Variants in FHIP2B observed in about 807,000 individuals in gnomAD.
FHIP2B encodes FHF complex subunit HOOK-interacting protein 2B.
A neutral mutation model predicts 84.0 loss-of-function variants in FHIP2B; 72 were observed. The ratio of observed to expected loss-of-function variants is 0.86; its 90% CI spans 0.71 to 1.04. FHIP2B has a LOEUF of 1.04. Ranked by LOEUF, FHIP2B falls within the 50% of genes least tolerant of loss-of-function variation. The pLI, the probability that FHIP2B is intolerant of heterozygous loss-of-function variation, is 0.00. For missense variants in FHIP2B, 972 were observed against 968.9 expected, an observed-to-expected ratio of 1.00 and a Z score of -0.04; for synonymous variants, 497 against 418.7, an observed-to-expected ratio of 1.19 and a Z score of -2.28.
In FHIP2B at chr8:22,104,497, G is replaced by A. The variant is rs548243671; in HGVS notation, c.*1566G>A. The stretch of plus-strand genomic sequence containing the variant: ...ATTCTTTTTCTAGCGCTGCAGCAGG[G>A]AGGTGGGGTGGGCGGTAAACAGACA... On this transcript the variant is annotated 3_prime_UTR_variant, in exon 17 of 17. Transcript: ENST00000289921. The A allele has an allele frequency of 1.5e-4, 23 of 152,434 alleles. No homozygotes were observed. Among genetic ancestry groups the A allele is most frequent in the African/African-American group, 5.5e-4 (23 of 41,574 alleles). 9.4% of individuals were successfully genotyped at this position (152,434 alleles called of 1,614,324 possible). A position where few individuals can be genotyped will look rare whatever the true frequency, so the allele number is the denominator to read the frequency against.
intron 13 of FHIP2B, 56 bp from the exon 14 acceptor site, chr8:22,101,650 CCT>C: frequency 6.4e-7 from 1 of 1,567,044 alleles, no homozygotes; most frequent in Non-Finnish European, 8.7e-7. Flanking sequence ...TGCGTGGGGC[CCT>C]GTCTGCTGGT....
rs374997784 is a variant in FHIP2B, at chr8:22,094,495, C to G, written c.101C>G (p.Thr34Arg). Residue 34 changes from threonine to arginine, a missense_variant, in exon 2 of 17, where the codon ACG becomes AGG. Transcript: ENST00000289921. ...TTCGTGGAGCACTGGAAGGGCATCACGCACTACTACATCGAGAGCACAGGT... is the reference window on the plus strand; with the variant it reads ...TTCGTGGAGCACTGGAAGGGCATCAGGCACTACTACATCGAGAGCACAGGT... ...QAFVEHWKGI[T>R]HYYIESTDES... The G allele has an allele frequency of 1.2e-6, 2 of 1,611,454 alleles. No individual in the cohort carries two copies. The highest frequency in any genetic ancestry group is 1.7e-6 in the Non-Finnish European group (2 of 1,178,966).
chr8:22,093,001 G>A (rs1825574455), intron 1 of FHIP2B, among the ~76,000 whole-genome samples: 1 of 152,188 alleles, frequency 6.6e-6, no homozygotes, highest in South Asian at 2.1e-4. Flanking sequence ...ATCTAGCATA[G>A]TGTCTTGTAC....
chr8:22,093,350 GT>G (rs1194154331), intron 1 of FHIP2B, among the ~76,000 whole-genome samples: 1 of 152,182 alleles, frequency 6.6e-6, no homozygotes, highest in Non-Finnish European at 1.5e-5. Context: ...TTTTTGAGAA[GT>G]TTTCAGGGAA....
rs1826050004 is a variant in FHIP2B, at chr8:22,100,598, G to A, written c.1346G>A (p.Ser449Asn). ...CCGACCCCCTTCCTGCTCCAGATCAGCATCACCACACTCCGGCTGTTTGAG... is the reference window on the plus strand; with the variant it reads ...CCGACCCCCTTCCTGCTCCAGATCAACATCACCACACTCCGGCTGTTTGAG... ...GHCDHLSDEI[S>N]ITTLRLFEEL... The change falls in exon 11 of 17, where the codon AGC becomes AAC. Residue 449 changes from serine (S) to asparagine (N), a missense_variant. Ser to Asn is a conservative substitution (Grantham distance 46, BLOSUM62 1). Transcript: ENST00000289921. 6.5e-7 allele frequency: 1 copy of A among 1,550,348 alleles called. No individual in the cohort carries two copies. The highest frequency in any genetic ancestry group is 2.3e-5 in the East Asian group (1 of 44,098).
At position 22,094,469 on chromosome 8, in the gene FHIP2B, C is replaced by T. The variant is rs773009471; in HGVS notation, c.75C>T (p.Ala25=). ...AREPSIDLLQ[A]FVEHWKGITH... ...AGCCCAGCATTGACCTGCTGCAGGC[C>T]TTCGTGGAGCACTGGAAGGGCATCA... Residue 25 remains alanine, a synonymous_variant, in exon 2 of 17, where the codon GCC becomes GCT. Transcript: ENST00000289921. 6.2e-7 allele frequency: 1 copy of T among 1,611,560 alleles called. No individual in the cohort carries two copies. The highest frequency in any genetic ancestry group is 1.1e-5 in the South Asian group (1 of 91,004).
chr8:22,098,703 T>C, intron 7 of FHIP2B, 84 bp downstream of exon 7: 1 of 1,380,374 alleles, frequency 7.2e-7, no homozygotes. Flanking sequence ...TCCCCTGGGG[T>C]TCCACGTTGC....
rs138542534 is a variant in FHIP2B at position 22,096,527 on chromosome 8, C to A, written c.297+18C>A. ...AGGCCGAGGTGGGAGGCCCTCTGCG[C>A]GCTGGGCCAGGCCGAGGTGGGAGGC... On this transcript the variant is annotated intron_variant, in intron 3 of 16. Coordinates refer to ENST00000289921, the MANE Select transcript of FHIP2B (RefSeq NM_022749.7). 8.5e-4 allele frequency: 1,276 copies of A among 1,503,350 alleles called. 19 individuals are homozygous for A. The East Asian group carries it at 0.024, about 29-fold the overall frequency. The allele number at this position is 1,503,350 out of a possible 1,614,324, so 93.1% of individuals were successfully genotyped here.
Position 22,096,363 on chromosome 8 carries a change from G to T in FHIP2B, c.151G>T (p.Asp51Tyr), listed in dbSNP as rs377566661. The T allele has an allele frequency of 3.8e-6, 6 of 1,560,934 alleles. No individual in the cohort carries two copies. In the Admixed American group the frequency reaches 1.2e-4, roughly 30 times the overall value. Residue 51 changes from aspartate (D) to tyrosine (Y), a missense_variant, in exon 3 of 17, where the codon GAC becomes TAC. Transcript: ENST00000289921. ...TDESTPAKKT[D>Y]IPWRLKQMLD... The stretch of plus-strand genomic sequence containing the variant: ...TGAAAGCACCCCCGCCAAGAAGACA[G>T]ACATTCCCTGGCGGCTGAAGCAGAT...
At chr8:22,101,171 C>T (rs1179596504) in intron 12 of FHIP2B, 199 bp downstream of exon 12, 7 of 681,810 alleles carry the variant, frequency 1.0e-5, no homozygotes, top group Admixed American at 8.7e-5. Flanking sequence ...TACAGACATG[C>T]ACCACCACAC....
chr8:22,095,790 C>G (rs1415774111), intron 2 of FHIP2B: 1 of 152,272 alleles, frequency 6.6e-6, no homozygotes, highest in African/African-American at 2.4e-5. Flanking sequence ...AAGTAGCTTC[C>G]CCGTCAGGGC....
intron 3 of FHIP2B, 58 bp from the exon 4 acceptor site, chr8:22,097,458 C>G (rs1825834139): frequency 2.0e-6 from 3 of 1,493,986 alleles, no homozygotes; most frequent in Non-Finnish European, 2.7e-6. Context: ...TCAGTACCCG[C>G]CAGGCATGCG....
At chr8:22,089,600 C>T (rs755246442) in intron 1 of FHIP2B, among the ~76,000 whole-genome samples, 6 of 152,082 alleles carry the variant, frequency 3.9e-5, no homozygotes, top group Admixed American at 6.5e-5. Flanking sequence ...TCGCCTCCGC[C>T]GGGACGCTCC....
At position 22,097,838 on chromosome 8, in the gene FHIP2B, A is replaced by C. The variant is rs1825863936; in HGVS notation, c.524A>C (p.Glu175Ala). 1.9e-6 allele frequency: 3 copies of C among 1,612,518 alleles called. No individual in the cohort carries two copies. The highest frequency in any genetic ancestry group is 1.7e-4 in the Middle Eastern group (1 of 5,996). The change falls in exon 5 of 17, where the codon GAA becomes GCA. Residue 175 changes from glutamate (E) to alanine (A), a missense_variant and splice_region_variant. Glu to Ala is a moderately radical substitution (Grantham distance 107). Coordinates refer to ENST00000289921, the MANE Select transcript of FHIP2B (RefSeq NM_022749.7). The stretch of plus-strand genomic sequence containing the variant: ...CCAGAGCTGCTCGCCTACATCCTGG[A>C]AGTGAGCACTCTGATCGGGAACAGG... Reference protein sequence around the residue: ...QDPELLAYILEGKKIVGRKKA... With the variant: ...QDPELLAYILAGKKIVGRKKA...
chr8:22,097,179 C>T (rs546361235), intron 3 of FHIP2B: 9 of 378,608 alleles, frequency 2.4e-5, no homozygotes, highest in South Asian at 4.2e-5. Flanking sequence ...AGGCTAGTTT[C>T]GAACAACGTG....
In FHIP2B at chr8:22,104,831, T is replaced by TTTAAAAAAAAAAAAAAA; in HGVS notation, c.*1900_*1901insTTAAAAAAAAAAAAAAA. 1 of 126,520 alleles carries TTTAAAAAAAAAAAAAAA rather than the reference T, an allele frequency of 7.9e-6. No individual in the cohort carries two copies. The highest frequency in any genetic ancestry group is 1.7e-5 in the Non-Finnish European group (1 of 60,430). 7.8% of individuals were successfully genotyped at this position (126,520 alleles called of 1,614,324 possible). On this transcript the variant is annotated 3_prime_UTR_variant, in exon 17 of 17. Coordinates refer to ENST00000289921, the MANE Select transcript of FHIP2B (RefSeq NM_022749.7). ...CTGGGCAATAGAGTAAGACCCTGTCTAAAAAAAAAAAAAAAAAATTTCACA... is the reference window on the plus strand; with the variant it reads ...CTGGGCAATAGAGTAAGACCCTGTCTTTAAAAAAAAAAAAAAAAAAAAAAAAAAAAAAAAATTTCACA...
intron 14 of FHIP2B, 126 bp from the exon 15 acceptor site, chr8:22,102,049 C>G: frequency 6.4e-7 from 1 of 1,559,132 alleles, no homozygotes. Flanking sequence ...GAATCCATGA[C>G]ACACACACAT....
chr8:22,097,881 C>A (rs1201542596), intron 5 of FHIP2B, 42 bp downstream of exon 5: 1 of 1,600,538 alleles, frequency 6.2e-7, no homozygotes, highest in East Asian at 2.2e-5. Flanking sequence ...GGGCCCAGAA[C>A]CCCAGGGCAA....
rs377392983 is a variant in FHIP2B, at chr8:22,099,690, C to A, written c.1152-14C>A. 9.1e-5 allele frequency: 141 copies of A among 1,556,934 alleles called. No individual in the cohort carries two copies. The highest frequency in any genetic ancestry group is 1.2e-4 in the Non-Finnish European group (138 of 1,157,588). On this transcript the variant is annotated splice_polypyrimidine_tract_variant and intron_variant, in intron 9 of 16. Transcript: ENST00000289921. Reference sequence around the variant, plus strand: ...GCACACACCGGGCCTGGCTAAGGTGCCCTCTTCCCGTAGGTCCGAGCAGAG... The same window carrying A: ...GCACACACCGGGCCTGGCTAAGGTGACCTCTTCCCGTAGGTCCGAGCAGAG...
Sources: gnomAD v4.1 joint callset for allele counts (sites outside exome capture counted in the v4.1 genomes callset) on GRCh38, gnomAD v4.1.1 for gene constraint, MANE v1.5 for transcripts, NCBI Gene and HGNC (gene_info 2026-07-23, HGNC 2026-07-21) for gene names.